Variants in PCDHA7 observed in about 807,000 individuals in gnomAD.
The protein encoded by PCDHA7 is protocadherin alpha-7.
PCDHA7 carries 37 observed loss-of-function variants against 57.2 expected under a neutral mutation model. That is an observed-to-expected ratio of 0.65 (90% CI 0.50 to 0.85). The LOEUF (loss-of-function observed/expected upper bound fraction) is 0.85, where lower values mean the gene tolerates loss of function less well. Among genes scored for constraint, PCDHA7 ranks in the 40% least tolerant of loss-of-function variants. The pLI is 0.00. For missense variants in PCDHA7, 1,188 were observed against 1,241.8 expected, an observed-to-expected ratio of 0.96 and a Z score of 0.65; for synonymous variants, 553 against 558.8, an observed-to-expected ratio of 0.99 and a Z score of 0.15.
At position 140,973,495 on chromosome 5, in the gene PCDHA7, T is replaced by TA. The variant is rs148545809; in HGVS notation, c.2356-5454_2356-5453insA. Among the ~76,000 whole-genome samples, 585 of 152,336 alleles carry TA rather than the reference T, an allele frequency of 3.8e-3. 2 individuals are homozygous for TA. Among genetic ancestry groups the TA allele is most frequent in the African/African-American group, 0.013 (553 of 41,574 alleles). ...AATTTCATATTGGTCACAGGACTCTTCTTCTGAGAAAAAGTTTATTTTCTT... is the reference window on the plus strand; with the variant it reads ...AATTTCATATTGGTCACAGGACTCTTACTTCTGAGAAAAAGTTTATTTTCTT... On this transcript the variant is annotated intron_variant, in intron 1 of 3. Coordinates refer to ENST00000525929, the MANE Select transcript of PCDHA7 (RefSeq NM_018910.3).
intron 1 of PCDHA7, among the ~76,000 whole-genome samples, chr5:140,937,158 C>T (rs969335051): frequency 2.6e-5 from 4 of 151,874 alleles, no homozygotes; most frequent in Non-Finnish European, 4.4e-5. Context: ...CTGCCTCAGC[C>T]TCCCGAGTAG....
intron 1 of PCDHA7, chr5:140,850,741 C>G: frequency 6.3e-7 from 1 of 1,597,822 alleles, no homozygotes. Flanking sequence ...GGGAGTTGGT[C>G]GTACTCGCAG....
chr5:140,887,239 G>A (rs1248062448), intron 1 of PCDHA7, among the ~76,000 whole-genome samples: 2 of 151,736 alleles, frequency 1.3e-5, no homozygotes, highest in Admixed American at 6.6e-5. Context: ...TGAGACTACC[G>A]GCGCCCGCCA....
chr5:140,922,412 G>A lies in PCDHA7; in HGVS notation c.2356-56537G>A, dbSNP rs80310986. Among the ~76,000 whole-genome samples the A allele has an allele frequency of 7.3e-3, 1,117 of 152,260 alleles. 9 individuals carry two copies. Among genetic ancestry groups the A allele is most frequent in the Non-Finnish European group, 0.011 (755 of 68,032 alleles). ...CCTTGTTTTGGATTAAAAAGATCTA[G>A]GTACAGAGGCTGAGGGCAGAACTCT... is the stretch of plus-strand genomic sequence containing the variant. On this transcript the variant is annotated intron_variant, in intron 1 of 3. Coordinates refer to ENST00000525929, the MANE Select transcript of PCDHA7 (RefSeq NM_018910.3).
intron 1 of PCDHA7, chr5:140,930,355 C>G (rs1044171600): frequency 6.6e-6 from 1 of 151,448 alleles, no homozygotes; most frequent in Non-Finnish European, 1.5e-5. Context: ...TCAAATATTT[C>G]AATTTATCTG....
intron 1 of PCDHA7, chr5:140,877,600 C>G (rs1554169914): frequency 6.2e-7 from 1 of 1,613,878 alleles, no homozygotes; most frequent in Admixed American, 1.7e-5. Context: ...GGTGTCCAGC[C>G]TGCTGGTGCT....
At chr5:141,000,393 CTCTATATATA>C (rs1279908183) in intron 3 of PCDHA7, among the ~76,000 whole-genome samples, 25 of 52,852 alleles carry the variant, frequency 4.7e-4, no homozygotes, top group South Asian at 8.2e-4. Flanking sequence ...CTCTCTCTCT[CTCTATATATA>C]TATATATATA....
intron 1 of PCDHA7, chr5:140,966,508 A>G (rs1288054154): frequency 9.2e-6 from 4 of 434,452 alleles, no homozygotes; most frequent in African/African-American, 4.1e-5. Context: ...TAGCGGCAGC[A>G]GCAGCAGGAA....
chr5:140,995,047 C>G (rs1174630120), intron 3 of PCDHA7, among the ~76,000 whole-genome samples: 2 of 152,158 alleles, frequency 1.3e-5, no homozygotes, highest in Admixed American at 1.3e-4. Context: ...CTTAACTCTA[C>G]TGAATTTTCA....
At chr5:140,852,612 C>T (rs1177069451) in intron 1 of PCDHA7, 3 of 914,508 alleles carry the variant, frequency 3.3e-6, no homozygotes, top group Non-Finnish European at 4.0e-6. Context: ...TCTTTCAAAA[C>T]TTGAGTGGTC....
At chr5:140,843,577 A>T in intron 1 of PCDHA7, 1 of 1,595,954 alleles carries the variant, frequency 6.3e-7, no homozygotes. Context: ...CATACTCGCA[A>T]CAACAGCCGC....
In PCDHA7 at chr5:140,834,711, G is replaced by A. The variant is rs1401581496; in HGVS notation, c.328G>A (p.Val110Met). 6.2e-7 allele frequency: 1 copy of A among 1,614,266 alleles called. No individual in the cohort carries two copies. ...GTGCAGCATCCACCTGGAGGTGATC[G>A]TGGAAAGGCCGCTGCAGGTTTTCCA... ...AECSIHLEVI[V>M]ERPLQVFHVD... is the part of the protein sequence containing the mutation. The change falls in exon 1 of 4, where the codon GTG becomes ATG. Residue 110 changes from valine (V) to methionine (M), a missense_variant. Val to Met is a conservative substitution (Grantham distance 21, BLOSUM62 1). Coordinates refer to ENST00000525929, the MANE Select transcript of PCDHA7 (RefSeq NM_018910.3).
chr5:140,964,600 A>G (rs1322521285), intron 1 of PCDHA7, among the ~76,000 whole-genome samples: 1 of 152,104 alleles, frequency 6.6e-6, no homozygotes, highest in Non-Finnish European at 1.5e-5. Flanking sequence ...TTTCATGACA[A>G]CTTACAACTT....
intron 1 of PCDHA7, among the ~76,000 whole-genome samples, chr5:140,916,791 G>A (rs1159820496): frequency 6.6e-6 from 1 of 152,128 alleles, no homozygotes; most frequent in Admixed American, 6.5e-5. Flanking sequence ...AGCTGCCCCA[G>A]CTGATGACTT....
Position 140,850,830 on chromosome 5 carries a change from T to C in PCDHA7, c.2355+14092T>C. On this transcript the variant is annotated intron_variant, in intron 1 of 3. Coordinates refer to ENST00000525929, the MANE Select transcript of PCDHA7 (RefSeq NM_018910.3). ...GGCCTTCAGCCCGGGCCTTTCTCCTTGTGCTGGATCTACAGAGCGAACGGG... is the reference window on the plus strand; with the variant it reads ...GGCCTTCAGCCCGGGCCTTTCTCCTCGTGCTGGATCTACAGAGCGAACGGG... 1.9e-6 allele frequency: 3 copies of C among 1,598,162 alleles called. 1 individual carries two copies. The highest frequency in any genetic ancestry group is 2.6e-6 in the Non-Finnish European group (3 of 1,167,540).
chr5:140,982,153 C>T (rs990862287), intron 2 of PCDHA7, among the ~76,000 whole-genome samples: 1 of 152,162 alleles, frequency 6.6e-6, no homozygotes, highest in Non-Finnish European at 1.5e-5. Flanking sequence ...GCTTCAGTAT[C>T]GAGATGTTAA....
chr5:140,982,483 A>G lies in PCDHA7; in HGVS notation c.2423A>G (p.His808Arg). Residue 808 changes from histidine (H) to arginine (R), a missense_variant, in exon 3 of 4, where the codon CAC (histidine) becomes CGC (arginine). His to Arg is a conservative substitution (Grantham distance 29, BLOSUM62 0). This residue lies in a region of PCDHA7 where 892 missense variants were observed against 788.5 expected (regional missense o/e 1.13). Transcript: ENST00000525929. ...SLRAGMHSSV[H>R]LEEAGILRAG... ...TCTGTGTGTTTATTCAGCTCTGTGC[A>G]CCTAGAGGAGGCTGGCATTCTACGG... The G allele has an allele frequency of 1.2e-6, 2 of 1,614,142 alleles. No homozygotes were observed. Among genetic ancestry groups the G allele is most frequent in the Non-Finnish European group, 1.7e-6 (2 of 1,180,016 alleles).
At chr5:140,857,569 G>T (rs1554150250) in intron 1 of PCDHA7, 3 of 1,596,900 alleles carry the variant, frequency 1.9e-6, no homozygotes, top group South Asian at 1.1e-5. Context: ...CGAGCTACGT[G>T]TCGGTGCACG....
At position 140,882,987 on chromosome 5, in the gene PCDHA7, C is replaced by T; in HGVS notation, c.2355+46249C>T. The T allele has an allele frequency of 1.9e-6, 3 of 1,614,110 alleles. No individual in the cohort carries two copies. The highest frequency in any genetic ancestry group is 1.7e-6 in the Non-Finnish European group (2 of 1,180,042). ...ATTCTGGACGTGAATGACAACGCCC[C>T]GGAATTTTACCAATCCGTTTATAAA... is the stretch of plus-strand genomic sequence containing the variant. On this transcript the variant is annotated intron_variant, in intron 1 of 3. Coordinates refer to ENST00000525929, the MANE Select transcript of PCDHA7 (RefSeq NM_018910.3).
Sources: allele counts gnomAD v4.1 joint callset (sites outside exome capture counted in the v4.1 genomes callset), GRCh38; gene constraint gnomAD v4.1.1; regional missense constraint gnomAD v4.1.1; transcripts MANE v1.5; gene names NCBI Gene and HGNC (gene_info 2026-07-23, HGNC 2026-07-21).